The following AFF1 variants were observed in gnomAD, a reference collection of about 807,000 sequenced individuals.
AFF1 encodes the protein ALF transcription elongation factor 1.
In AFF1, 48 loss-of-function variants were observed where a neutral mutation model predicts 121.7. The observed-to-expected ratio is 0.39, with a 90% CI of 0.31 to 0.50. The LOEUF (loss-of-function observed/expected upper bound fraction) is 0.50. AFF1 is among the 20% of genes least tolerant of loss of function. The pLI, the probability that AFF1 is intolerant of heterozygous loss-of-function variation, is 0.76. For missense variants in AFF1, 1,523 were observed against 1,511.7 expected (o/e 1.01, Z -0.12); for synonymous variants, 613 against 563.0 (o/e 1.09, Z -1.26).
intron 2 of AFF1, among the ~76,000 whole-genome samples, chr4:87,037,713 A>T (rs1729708921): frequency 6.6e-6 from 1 of 152,184 alleles, no homozygotes; most frequent in Non-Finnish European, 1.5e-5. Flanking sequence ...AGGTAAATTA[A>T]CATGTCTCTC....
In AFF1 at chr4:87,094,980, T is replaced by C. The variant is rs1724682018; in HGVS notation, c.1283+11T>C. 6.2e-7 allele frequency: 1 copy of C among 1,610,814 alleles called. No homozygotes were observed. Among genetic ancestry groups the C allele is most frequent in the Non-Finnish European group, 8.5e-7 (1 of 1,176,980 alleles). ...GCAAGGAACGTCATCGTAAGTGAAA[T>C]GCTTTTTGTGTATTAAAATTTTGTA... On this transcript the variant is annotated intron_variant, in intron 8 of 20. Transcript: ENST00000395146.
chr4:86,979,345 C>T (rs993464295), intron 2 of AFF1, among the ~76,000 whole-genome samples: 5 of 152,056 alleles, frequency 3.3e-5, no homozygotes, highest in South Asian at 2.1e-4. Context: ...GTGATCCTCC[C>T]GCCTCGGCCT....
chr4:86,974,113 T>G (rs1723127674), intron 2 of AFF1: 1 of 152,236 alleles, frequency 6.6e-6, no homozygotes, highest in Non-Finnish European at 1.5e-5. Flanking sequence ...CATGCCATCT[T>G]ACTTGGAGCA....
rs1491442494 is a variant in AFF1 at position 87,138,491 on chromosome 4, G to GTGTA, written c.*2793_*2794insATGT. ...TAAATCTTGCCTTTGGCACTACAAG[G>GTGTA]TGTGTGTGTGTGTGTGTGTGTGTGT... On this transcript the variant is annotated 3_prime_UTR_variant, in exon 21 of 21. Coordinates refer to ENST00000395146, the MANE Select transcript of AFF1 (RefSeq NM_001166693.3). The GTGTA allele has an allele frequency of 3.1e-4, 7 of 22,350 alleles. No homozygotes were observed. The highest frequency in any genetic ancestry group is 2.5e-3 in the South Asian group (1 of 398). The allele number at this position is 22,350 out of a possible 1,614,324, so 1.4% of individuals were successfully genotyped here. A position where few individuals can be genotyped will look rare whatever the true frequency, so the allele number is the denominator to read the frequency against.
intron 2 of AFF1, among the ~76,000 whole-genome samples, chr4:86,951,351 G>T (rs1334241835): frequency 1.4e-5 from 2 of 137,936 alleles, no homozygotes; most frequent in Non-Finnish European, 1.5e-5. Flanking sequence ...TGCTTTGTCC[G>T]TTTGCCCCAG....
At chr4:86,975,981 C>A (rs1325506483) in intron 2 of AFF1, among the ~76,000 whole-genome samples, 2 of 152,010 alleles carry the variant, frequency 1.3e-5, no homozygotes, top group African/African-American at 4.8e-5. Context: ...CAAGTAATTA[C>A]GGTATCATAT....
chr4:87,061,824 G>A (rs1253046401), intron 4 of AFF1, among the ~76,000 whole-genome samples: 1 of 150,136 alleles, frequency 6.7e-6, no homozygotes, highest in Non-Finnish European at 1.5e-5. Context: ...TTTTCAGTAA[G>A]GTAATGTCAT....
intron 2 of AFF1, chr4:87,007,283 T>TCGGGGCGCCGCGC: frequency 6.4e-7 from 1 of 1,560,234 alleles, no homozygotes; most frequent in Non-Finnish European, 8.6e-7. Flanking sequence ...TCCCGTAACA[T>TCGGGGCGCCGCGC]CGGGGCGCCG....
chr4:87,063,352 G>A (rs1180247249), intron 4 of AFF1, among the ~76,000 whole-genome samples: 2 of 144,346 alleles, frequency 1.4e-5, no homozygotes, highest in East Asian at 2.1e-4. Flanking sequence ...CGATTCTCCT[G>A]CCTCAGCCTT....
intron 2 of AFF1, among the ~76,000 whole-genome samples, chr4:87,039,007 C>G (rs573515217): frequency 2.2e-4 from 34 of 152,228 alleles, no homozygotes; most frequent in Admixed American, 2.2e-3. Context: ...CATGGAAGCA[C>G]CGAATGGCAT....
chr4:87,023,658 G>C (rs931689696), intron 2 of AFF1, among the ~76,000 whole-genome samples: 1 of 152,220 alleles, frequency 6.6e-6, no homozygotes, highest in Non-Finnish European at 1.5e-5. Context: ...TTTTGCAGAA[G>C]CAGCAAGGAA....
rs931682412 is a variant in AFF1 at position 87,068,267 on chromosome 4, C to CCCCCA, written c.1060-15853_1060-15852insCCCCA. ...GTAAGCATGAAAATTGCCCCCCCCC[C>CCCCCA]ACTCCATGAATAAATTGCCTTTATA... On this transcript the variant is annotated intron_variant, in intron 4 of 20. Transcript: ENST00000395146. 1.4e-5 allele frequency among the ~76,000 whole-genome samples: 2 copies of CCCCCA among 147,396 alleles called. 1 individual carries two copies. The highest frequency in any genetic ancestry group is 3.0e-5 in the Non-Finnish European group (2 of 66,618).
chr4:87,092,516 T>C (rs375045739), intron 7 of AFF1, among the ~76,000 whole-genome samples: 1 of 152,170 alleles, frequency 6.6e-6, no homozygotes, highest in Non-Finnish European at 1.5e-5. Flanking sequence ...AGCCCCACTA[T>C]ATTTGTTTGC....
In AFF1 at chr4:87,063,980, A is replaced by G. The variant is rs557599675; in HGVS notation, c.1059+16386A>G. Among the ~76,000 whole-genome samples, 231 of 152,362 alleles carry G rather than the reference A, an allele frequency of 1.5e-3. 1 individual carries two copies. Among genetic ancestry groups the G allele is most frequent in the African/African-American group, 4.9e-3 (205 of 41,580 alleles). On this transcript the variant is annotated intron_variant, in intron 4 of 20. Transcript: ENST00000395146. ...TGATGAAGTAATGAAACTCTGTGTC[A>G]TGGATTTAATTTTAGTCAAGTTTTT...
intron 2 of AFF1, among the ~76,000 whole-genome samples, chr4:86,956,480 A>AT (rs1464240518): frequency 6.6e-6 from 1 of 152,228 alleles, no homozygotes; most frequent in African/African-American, 2.4e-5. Flanking sequence ...TTTACAAGCT[A>AT]TTTTAAGTAT....
intron 12 of AFF1, among the ~76,000 whole-genome samples, chr4:87,117,535 A>G (rs1727250414): frequency 6.6e-6 from 1 of 152,210 alleles, no homozygotes; most frequent in Non-Finnish European, 1.5e-5. Flanking sequence ...AGTGCCTATC[A>G]GGGCTGGAAA....
intron 2 of AFF1, among the ~76,000 whole-genome samples, chr4:87,040,116 C>G (rs961561439): frequency 9.2e-5 from 14 of 152,116 alleles, no homozygotes; most frequent in African/African-American, 3.1e-4. Context: ...GGTCTCAAAC[C>G]CCTGACGACC....
chr4:87,065,042 T>C (rs1282890774), intron 4 of AFF1, among the ~76,000 whole-genome samples: 1 of 147,340 alleles, frequency 6.8e-6, no homozygotes, highest in Non-Finnish European at 1.5e-5. Flanking sequence ...CAAGAAAAAA[T>C]AATATAGTGT....
chr4:86,995,792 GC>G (rs1725112725), intron 2 of AFF1, among the ~76,000 whole-genome samples: 1 of 151,556 alleles, frequency 6.6e-6, no homozygotes, highest in African/African-American at 2.4e-5. Context: ...GATGTGAGGA[GC>G]CCTTCTGCCT....
Sources: allele counts gnomAD v4.1 joint callset (sites outside exome capture counted in the v4.1 genomes callset), GRCh38; gene constraint gnomAD v4.1.1; transcripts MANE v1.5; gene names NCBI Gene and HGNC (gene_info 2026-07-23, HGNC 2026-07-21).